JAK1: variants seen among roughly 807,000 people sequenced by gnomAD.
The protein encoded by JAK1 is Janus kinase 1.
A neutral mutation model predicts 136.6 loss-of-function variants in JAK1; 16 were observed. The observed-to-expected ratio is 0.12, with a 90% CI of 0.08 to 0.18. JAK1 has a LOEUF of 0.18. Among genes scored for constraint, JAK1 ranks in the 10% least tolerant of loss-of-function variants. The pLI, the probability that JAK1 is intolerant of heterozygous loss-of-function variation, is 1.00. For missense variants in JAK1, 859 were observed against 1,450.1 expected (o/e 0.59, Z 6.62); for synonymous variants, 492 against 519.5 (o/e 0.95, Z 0.72).
chr1:65,064,219 G>A (rs1647943252), intron 1 of JAK1, among the ~76,000 whole-genome samples: 1 of 152,112 alleles, frequency 6.6e-6, no homozygotes, highest in Non-Finnish European at 1.5e-5. Flanking sequence ...ACTAAATCAA[G>A]TTATCAAAGT....
chr1:65,026,733 G>A (rs917338699), intron 2 of JAK1, among the ~76,000 whole-genome samples: 10 of 152,090 alleles, frequency 6.6e-5, no homozygotes, highest in African/African-American at 2.4e-4. Flanking sequence ...GGGAGGCAGA[G>A]GGCGGGCAGA....
chr1:64,878,595 A>G (rs894141740), intron 4 of JAK1, among the ~76,000 whole-genome samples: 5 of 142,530 alleles, frequency 3.5e-5, no homozygotes, highest in African/African-American at 1.3e-4. Context: ...ATATATATAT[A>G]TATATATATA....
In JAK1 at chr1:64,937,905, A is replaced by T. The variant is rs368766426; in HGVS notation, c.-78+28428T>A. 2.0e-4 allele frequency among the ~76,000 whole-genome samples: 30 copies of T among 151,732 alleles called. 5 individuals are homozygous for T. Among genetic ancestry groups the T allele is most frequent in the Admixed American group, 3.3e-4 (5 of 15,238 alleles). On this transcript the variant is annotated intron_variant, in intron 1 of 24. Coordinates refer to ENST00000342505, the MANE Select transcript of JAK1 (RefSeq NM_002227.4). The stretch of plus-strand genomic sequence containing the variant: ...AAATCTTCTTTTTTTTTTGAGAGGG[A>T]GTCTCACTCTGTCGCCCAGGCTGGA...
At chr1:64,943,158 A>G (rs1462106373) in intron 1 of JAK1, among the ~76,000 whole-genome samples, 2 of 152,212 alleles carry the variant, frequency 1.3e-5, no homozygotes, top group African/African-American at 4.8e-5. Flanking sequence ...GACTATGGTT[A>G]TAGTTCCTCA....
chr1:65,002,698 G>A (rs1646770073), intron 2 of JAK1, among the ~76,000 whole-genome samples: 1 of 152,206 alleles, frequency 6.6e-6, no homozygotes, highest in Non-Finnish European at 1.5e-5. Context: ...GGCCGGCGGC[G>A]GCGGAGGCGG....
chr1:64,942,200 G>C (rs1223192021), intron 1 of JAK1: 3 of 152,162 alleles, frequency 2.0e-5, no homozygotes, highest in Non-Finnish European at 4.4e-5. Flanking sequence ...GATCTGAATT[G>C]CCAGGGAGAA....
At position 64,845,740 on chromosome 1, in the gene JAK1, T is replaced by C. The variant is rs143816560; in HGVS notation, c.1988-100A>G. On this transcript the variant is annotated intron_variant, in intron 14 of 24. Transcript: ENST00000342505. The stretch of plus-strand genomic sequence containing the variant: ...CCACTTCAGTGGACACTACTCGGCC[T>C]CAGAGTACACAGATATCCTTGGGGG... 1,306 of 1,424,268 alleles carry C rather than the reference T, an allele frequency of 9.2e-4. 18 individuals are homozygous for C. In the East Asian group the frequency reaches 0.029, roughly 32 times the overall value. The allele number at this position is 1,424,268 out of a possible 1,614,324, so 88.2% of individuals were successfully genotyped here. A position where few individuals can be genotyped will look rare whatever the true frequency, so the allele number is the denominator to read the frequency against.
chr1:64,853,566 C>T (rs770610449), intron 11 of JAK1, among the ~76,000 whole-genome samples: 108 of 144,598 alleles, frequency 7.5e-4, no homozygotes, highest in Non-Finnish European at 1.3e-3. Flanking sequence ...TGATAGCAGC[C>T]GTTCTTATTA....
chr1:64,936,958 T>A (rs553915993), intron 1 of JAK1, among the ~76,000 whole-genome samples: 1 of 149,966 alleles, frequency 6.7e-6, no homozygotes, highest in East Asian at 2.0e-4. Context: ...TGAAAAAGAA[T>A]ACAAAGCAGT....
chr1:64,883,736 T>G (rs1644811223), intron 2 of JAK1, among the ~76,000 whole-genome samples: 1 of 152,070 alleles, frequency 6.6e-6, no homozygotes, highest in Admixed American at 6.5e-5. Context: ...TCAGACCATA[T>G]TTTCAAAAAT....
intron 8 of JAK1, 136 bp from the exon 9 acceptor site, chr1:64,860,398 A>G: frequency 2.4e-6 from 1 of 414,696 alleles, no homozygotes; most frequent in Non-Finnish European, 4.3e-6. Flanking sequence ...TTTCATCAAT[A>G]CTAAATATAC....
At chr1:64,911,781 A>C (rs1645290118) in intron 1 of JAK1, among the ~76,000 whole-genome samples, 1 of 152,230 alleles carries the variant, frequency 6.6e-6, no homozygotes, top group African/African-American at 2.4e-5. Flanking sequence ...ATCCAAGCAT[A>C]GCTAGGTTCA....
intron 1 of JAK1, among the ~76,000 whole-genome samples, chr1:64,887,228 A>AT (rs1370821941): frequency 6.6e-6 from 1 of 152,210 alleles, no homozygotes; most frequent in African/African-American, 2.4e-5. Context: ...GACTTAAGTA[A>AT]AAGTAATGAT....
intron 1 of JAK1, among the ~76,000 whole-genome samples, chr1:64,932,152 C>A: frequency 6.7e-6 from 1 of 149,102 alleles, no homozygotes; most frequent in Non-Finnish European, 1.5e-5. Flanking sequence ...TGGTTGCTCA[C>A]GCCTGTAATC....
chr1:64,919,063 A>T (rs1383268314), intron 1 of JAK1, among the ~76,000 whole-genome samples: 2 of 152,132 alleles, frequency 1.3e-5, no homozygotes, highest in Non-Finnish European at 2.9e-5. Context: ...CATGTGCACA[A>T]CGTGCAGGTT....
At chr1:64,938,705 T>C (rs890679920) in intron 1 of JAK1, among the ~76,000 whole-genome samples, 2 of 152,322 alleles carry the variant, frequency 1.3e-5, no homozygotes, top group African/African-American at 2.4e-5. Context: ...CCATACACTT[T>C]CATGTTTCTC....
intron 2 of JAK1, among the ~76,000 whole-genome samples, chr1:64,999,576 A>G (rs142047026): frequency 1.3e-5 from 2 of 152,188 alleles, no homozygotes; most frequent in Non-Finnish European, 2.9e-5. Flanking sequence ...CATCTCTACA[A>G]TAGAAAAAAT....
intron 1 of JAK1, among the ~76,000 whole-genome samples, chr1:64,896,745 C>T (rs992015658): frequency 2.7e-4 from 41 of 152,152 alleles, no homozygotes; most frequent in African/African-American, 8.9e-4. Context: ...CCCGACCAAG[C>T]GAAAAGAGCA....
intron 2 of JAK1, chr1:64,991,211 T>C (rs1350288278): frequency 1.3e-5 from 2 of 152,052 alleles, no homozygotes; most frequent in African/African-American, 4.8e-5. Context: ...AAAAAACCAC[T>C]AGAGGGGTTT....
Sources: allele counts gnomAD v4.1 joint callset (sites outside exome capture counted in the v4.1 genomes callset), GRCh38; gene constraint gnomAD v4.1.1; transcripts MANE v1.5; gene names NCBI Gene and HGNC (gene_info 2026-07-23, HGNC 2026-07-21).